The following NKAIN2 variants were observed in gnomAD, a reference collection of about 807,000 sequenced individuals.
NKAIN2 encodes sodium/potassium-transporting ATPase subunit beta-1-interacting protein 2.
A neutral mutation model predicts 32.6 loss-of-function variants in NKAIN2; 14 were observed. The ratio of observed to expected loss-of-function variants is 0.43; its 90% CI spans 0.28 to 0.67. NKAIN2 has a LOEUF of 0.67. Ranked by LOEUF, NKAIN2 falls within the 30% of genes least tolerant of loss-of-function variation. The pLI is 0.17. For synonymous variants in NKAIN2, 80 were observed against 87.2 expected, an observed-to-expected ratio of 0.92 and a Z score of 0.46; for missense variants, 198 against 258.3, an observed-to-expected ratio of 0.77 and a Z score of 1.60.
rs11968742 is a variant in NKAIN2 at position 124,202,840 on chromosome 6, G to A, written c.55-80165G>A. Among the ~76,000 whole-genome samples the A allele has an allele frequency of 2.4e-3, 367 of 151,782 alleles. 1 individual carries two copies. The highest frequency in any genetic ancestry group is 4.3e-3 in the Non-Finnish European group (291 of 67,812). ...GAAGCTTATGAGGGAGTTATATGTA[G>A]GATTCTTGGCCAAGTCATAGAAAGA... is the stretch of plus-strand genomic sequence containing the variant. On this transcript the variant is annotated intron_variant, in intron 1 of 6. Coordinates refer to ENST00000368417, the MANE Select transcript of NKAIN2 (RefSeq NM_001040214.3).
At chr6:124,341,217 CA>C (rs1351043241) in intron 2 of NKAIN2, among the ~76,000 whole-genome samples, 1 of 151,762 alleles carries the variant, frequency 6.6e-6, no homozygotes, top group African/African-American at 2.4e-5. Flanking sequence ...AAGAAAATGA[CA>C]AAAAGCTAAG....
chr6:124,085,129 T>C (rs1056160763), intron 1 of NKAIN2, among the ~76,000 whole-genome samples: 7 of 151,992 alleles, frequency 4.6e-5, no homozygotes, highest in African/African-American at 1.4e-4. Flanking sequence ...CAGGAAAAGG[T>C]TTTGTCTTTT....
chr6:124,333,708 A>G (rs759895460), intron 2 of NKAIN2, among the ~76,000 whole-genome samples: 71 of 152,144 alleles, frequency 4.7e-4, no homozygotes, highest in Non-Finnish European at 7.9e-4. Context: ...AAATAAACTT[A>G]AGAAAAATGC....
At chr6:124,401,011 C>A (rs1296990254) in intron 3 of NKAIN2, among the ~76,000 whole-genome samples, 1 of 152,094 alleles carries the variant, frequency 6.6e-6, no homozygotes, top group Non-Finnish European at 1.5e-5. Context: ...TGGCTTCTTT[C>A]AAATGTCATT....
intron 1 of NKAIN2, among the ~76,000 whole-genome samples, chr6:123,933,584 A>G (rs943163959): frequency 2.0e-5 from 3 of 152,262 alleles, no homozygotes; most frequent in African/African-American, 7.2e-5. Context: ...CTTCTCTGTT[A>G]TTTTCAGTTG....
chr6:123,809,673 A>T (rs1304823649), intron 1 of NKAIN2, among the ~76,000 whole-genome samples: 2 of 152,160 alleles, frequency 1.3e-5, no homozygotes, highest in Non-Finnish European at 2.9e-5. Context: ...TGCTTAATAT[A>T]TAAAGAAATT....
At chr6:124,521,666 T>C (rs567416523) in intron 3 of NKAIN2, among the ~76,000 whole-genome samples, 4 of 152,308 alleles carry the variant, frequency 2.6e-5, no homozygotes, top group Admixed American at 6.5e-5. Context: ...GCAAGAATAA[T>C]CGATTCTTTT....
At chr6:124,090,011 A>G (rs1784349942) in intron 1 of NKAIN2, among the ~76,000 whole-genome samples, 1 of 151,928 alleles carries the variant, frequency 6.6e-6, no homozygotes, top group South Asian at 2.1e-4. Context: ...TGTACACACC[A>G]GTATCCTTGT....
intron 3 of NKAIN2, among the ~76,000 whole-genome samples, chr6:124,510,387 T>C (rs1427753012): frequency 6.6e-6 from 1 of 152,196 alleles, no homozygotes; most frequent in Non-Finnish European, 1.5e-5. Flanking sequence ...CCTTTAATGC[T>C]ATGTTAGAAT....
intron 1 of NKAIN2, among the ~76,000 whole-genome samples, chr6:124,086,829 G>T (rs202025890): frequency 6.6e-6 from 1 of 151,828 alleles, no homozygotes; most frequent in East Asian, 1.9e-4. Flanking sequence ...CATGATGGGT[G>T]GTTTCTACAA....
intron 3 of NKAIN2, among the ~76,000 whole-genome samples, chr6:124,386,636 A>C (rs971774450): frequency 1.3e-5 from 2 of 152,146 alleles, no homozygotes; most frequent in Non-Finnish European, 2.9e-5. Context: ...TTAATTTTTC[A>C]GTCAGAATTG....
intron 3 of NKAIN2, among the ~76,000 whole-genome samples, chr6:124,391,306 G>T (rs566898701): frequency 6.6e-6 from 1 of 152,154 alleles, no homozygotes; most frequent in Non-Finnish European, 1.5e-5. Flanking sequence ...TATATGTGTG[G>T]GCAAAAGGGG....
chr6:123,845,369 C>T (rs1775045455), intron 1 of NKAIN2, among the ~76,000 whole-genome samples: 1 of 152,142 alleles, frequency 6.6e-6, no homozygotes, highest in Admixed American at 6.5e-5. Context: ...GGTAGACATG[C>T]AGTCATCAAA....
At chr6:124,680,429 CAT>C (rs1277984934) in intron 4 of NKAIN2, among the ~76,000 whole-genome samples, 1 of 152,002 alleles carries the variant, frequency 6.6e-6, no homozygotes, top group Non-Finnish European at 1.5e-5. Flanking sequence ...AGCCTTTTAA[CAT>C]AGAACACTCC....
intron 3 of NKAIN2, among the ~76,000 whole-genome samples, chr6:124,436,887 A>G (rs1297800970): frequency 6.6e-6 from 1 of 152,146 alleles, no homozygotes; most frequent in Non-Finnish European, 1.5e-5. Flanking sequence ...CAATGACTAT[A>G]CGGTTCTCCA....
Position 123,890,824 on chromosome 6 carries a change from C to T in NKAIN2, c.54+86570C>T, listed in dbSNP as rs1773971831. On this transcript the variant is annotated intron_variant, in intron 1 of 6. Transcript: ENST00000368417. ...ATTACCATGTGATCCAGCAATTCCC[C>T]TTCTAGATATATACTTATAAGAATT... 5.3e-5 allele frequency among the ~76,000 whole-genome samples: 8 copies of T among 152,124 alleles called. No individual in the cohort carries two copies. The South Asian group carries it at 1.5e-3, about 28-fold the overall frequency.
chr6:124,393,367 T>C (rs1390704781), intron 3 of NKAIN2, among the ~76,000 whole-genome samples: 1 of 151,704 alleles, frequency 6.6e-6, no homozygotes, highest in Non-Finnish European at 1.5e-5. Flanking sequence ...AAATTTCTCA[T>C]GTAATGTCTC....
At chr6:124,298,764 C>T (rs992036221) in intron 2 of NKAIN2, among the ~76,000 whole-genome samples, 22 of 151,676 alleles carry the variant, frequency 1.5e-4, no homozygotes, top group South Asian at 6.2e-4. Context: ...GAAGACCCCC[C>T]GTGTCTATTA....
chr6:124,454,175 T>C (rs1047545194), intron 3 of NKAIN2, among the ~76,000 whole-genome samples: 1 of 151,698 alleles, frequency 6.6e-6, no homozygotes, highest in African/African-American at 2.4e-5. Flanking sequence ...TACAAATAGA[T>C]TATGTTGACT....
Sources: gnomAD v4.1 joint callset for allele counts (sites outside exome capture counted in the v4.1 genomes callset) on GRCh38, gnomAD v4.1.1 for gene constraint, MANE v1.5 for transcripts, NCBI Gene and HGNC (gene_info 2026-07-23, HGNC 2026-07-21) for gene names.